Variants in RYR2 observed in about 807,000 individuals in gnomAD.
The protein encoded by RYR2 is ryanodine receptor 2, also known as cardiac muscle ryanodine receptor-calcium release channel.
A neutral mutation model predicts 601.1 loss-of-function variants in RYR2; 227 were observed. The ratio of observed to expected loss-of-function variants is 0.38; its 90% CI spans 0.34 to 0.42. The LOEUF is 0.42. Among genes scored for constraint, RYR2 ranks in the 10% least tolerant of loss-of-function variants. The pLI, the probability that RYR2 is intolerant of heterozygous loss-of-function variation, is 1.00. For synonymous variants in RYR2, 2,223 were observed against 2,175.1 expected (o/e 1.02, Z -0.61); for missense variants, 4,646 against 6,156.5 (o/e 0.75, Z 8.21).
chr1:237,754,383 C>A (rs927333708), intron 80 of RYR2, among the ~76,000 whole-genome samples: 2 of 152,156 alleles, frequency 1.3e-5, no homozygotes, highest in African/African-American at 4.8e-5. Context: ...TCTGGCAGGT[C>A]TTTAACTGAT....
chr1:237,565,443 C>A (rs77071137), intron 27 of RYR2, among the ~76,000 whole-genome samples: 3,455 of 151,936 alleles, frequency 0.023, 72 homozygotes, highest in East Asian at 0.098. Context: ...AATTTTTAAA[C>A]TCTTTGTAGA....
chr1:237,583,255 C>T (rs1674138923), intron 29 of RYR2, among the ~76,000 whole-genome samples: 1 of 151,572 alleles, frequency 6.6e-6, no homozygotes, highest in African/African-American at 2.4e-5. Context: ...GTTTTTTTGC[C>T]CATTTTTTAA....
At position 237,369,546 on chromosome 1, in the gene RYR2, G is replaced by C; in HGVS notation, c.322G>C (p.Gly108Arg). Residue 108 changes from glycine to arginine, a missense_variant, in exon 6 of 105, where the codon GGT (glycine) becomes CGT (arginine). Physicochemically the swap from Gly to Arg is moderately radical, Grantham distance 125. Coordinates refer to ENST00000366574, the MANE Select transcript of RYR2 (RefSeq NM_001035.3). Reference protein sequence around the residue: ...WKFMMKTAQGGGHRTLLYGHA... With the variant: ...WKFMMKTAQGRGHRTLLYGHA... Reference sequence around the variant, plus strand: ...CTTCTCTCTAAAGACTGCTCAAGGTGGTGGTCATCGAACACTCCTCTACGG... The same window carrying C: ...CTTCTCTCTAAAGACTGCTCAAGGTCGTGGTCATCGAACACTCCTCTACGG... 5 of 1,562,976 alleles carry C rather than the reference G, an allele frequency of 3.2e-6. No homozygotes were observed. The highest frequency in any genetic ancestry group is 4.3e-6 in the Non-Finnish European group (5 of 1,151,988).
chr1:237,372,279 G>C (rs933961945), intron 6 of RYR2, among the ~76,000 whole-genome samples: 1 of 152,244 alleles, frequency 6.6e-6, no homozygotes, highest in Admixed American at 6.5e-5. Flanking sequence ...AAGAAAACTT[G>C]TGATCATGTT....
At chr1:237,696,888 C>T (rs923720645) in intron 63 of RYR2, among the ~76,000 whole-genome samples, 1 of 152,186 alleles carries the variant, frequency 6.6e-6, no homozygotes, top group Non-Finnish European at 1.5e-5. Flanking sequence ...TCCGTTCCTG[C>T]AGTAGGTCCC....
intron 12 of RYR2, among the ~76,000 whole-genome samples, chr1:237,435,245 ATTATC>A (rs1707226356): frequency 6.6e-6 from 1 of 152,202 alleles, no homozygotes; most frequent in African/African-American, 2.4e-5. Flanking sequence ...CCTTTCATGC[ATTATC>A]TTATTTAATC....
intron 10 of RYR2, among the ~76,000 whole-genome samples, chr1:237,401,176 A>G (rs748639673): frequency 2.0e-5 from 3 of 152,196 alleles, no homozygotes; most frequent in Non-Finnish European, 2.9e-5. Flanking sequence ...ATAAAACTCA[A>G]ATTGCCTATA....
At chr1:237,051,888 A>G (rs904678020) in intron 1 of RYR2, among the ~76,000 whole-genome samples, 3 of 152,090 alleles carry the variant, frequency 2.0e-5, no homozygotes, top group African/African-American at 7.2e-5. Context: ...CATATTTTAA[A>G]ATGAGAGGGA....
chr1:237,471,816 C>G (rs949080714), intron 17 of RYR2, among the ~76,000 whole-genome samples: 5 of 151,100 alleles, frequency 3.3e-5, no homozygotes, highest in South Asian at 2.1e-4. Context: ...AAAAGGGAAG[C>G]CCTGTGCTCA....
At chr1:237,109,172 A>G (rs1233991446) in intron 1 of RYR2, among the ~76,000 whole-genome samples, 3 of 151,602 alleles carry the variant, frequency 2.0e-5, no homozygotes, top group Non-Finnish European at 2.9e-5. Flanking sequence ...TAAAATACAT[A>G]TATACATATA....
intron 1 of RYR2, among the ~76,000 whole-genome samples, chr1:237,115,985 G>T (rs970450080): frequency 1.3e-4 from 20 of 152,088 alleles, no homozygotes; most frequent in Non-Finnish European, 2.8e-4. Flanking sequence ...GGACCCATAA[G>T]GAAAAAGGAG....
chr1:237,489,717 A>G (rs1422483630), intron 17 of RYR2, among the ~76,000 whole-genome samples: 2 of 152,214 alleles, frequency 1.3e-5, no homozygotes, highest in African/African-American at 4.8e-5. Flanking sequence ...CACTGTGGAA[A>G]GCAGTTTGGA....
intron 1 of RYR2, among the ~76,000 whole-genome samples, chr1:237,144,961 G>A (rs1673826161): frequency 6.6e-6 from 1 of 151,876 alleles, no homozygotes. Flanking sequence ...CACTATACAT[G>A]ATTCCCTGGC....
intron 1 of RYR2, among the ~76,000 whole-genome samples, chr1:237,118,874 C>T (rs1184623405): frequency 6.6e-6 from 1 of 151,820 alleles, no homozygotes; most frequent in Non-Finnish European, 1.5e-5. Flanking sequence ...TTTAAAGAAA[C>T]CGGAACTACT....
intron 1 of RYR2, among the ~76,000 whole-genome samples, chr1:237,231,071 C>T (rs1295947043): frequency 6.6e-6 from 1 of 150,948 alleles, no homozygotes; most frequent in Non-Finnish European, 1.5e-5. Flanking sequence ...AGATTTGTTT[C>T]TGTAGCCGAT....
chr1:237,614,013 T>A lies in RYR2; in HGVS notation c.4911-26T>A. ...TTAAAAAATCATTCATTTCTAATCT[T>A]ACTACCACTCTCCTCCCTTCTACAG... On this transcript the variant is annotated intron_variant, in intron 36 of 104. Coordinates refer to ENST00000366574, the MANE Select transcript of RYR2 (RefSeq NM_001035.3). The surrounding 1 kb of genome is among the most constrained non-coding windows in gnomAD (Gnocchi z 4.3). 6.3e-7 allele frequency: 1 copy of A among 1,586,658 alleles called. No homozygotes were observed. Among genetic ancestry groups the A allele is most frequent in the South Asian group, 1.1e-5 (1 of 88,676 alleles).
At chr1:237,597,343 G>GT (rs1676005219) in intron 34 of RYR2, among the ~76,000 whole-genome samples, 1 of 150,552 alleles carries the variant, frequency 6.6e-6, no homozygotes, top group South Asian at 2.1e-4. Context: ...AGGTAATGGT[G>GT]GGATCTTGGC....
At chr1:237,580,265 C>T (rs764526311) in intron 29 of RYR2, among the ~76,000 whole-genome samples, 2 of 147,100 alleles carry the variant, frequency 1.4e-5, no homozygotes, top group African/African-American at 2.5e-5. Context: ...AAGGGATTCT[C>T]CTGCTTCAAC....
At chr1:237,426,040 A>G (rs1486879598) in intron 12 of RYR2, among the ~76,000 whole-genome samples, 1 of 151,636 alleles carries the variant, frequency 6.6e-6, no homozygotes, top group Non-Finnish European at 1.5e-5. Context: ...GGTTGTTTCT[A>G]TAGTTATATA....
Sources: gnomAD v4.1 joint callset for allele counts (sites outside exome capture counted in the v4.1 genomes callset) on GRCh38, gnomAD v4.1.1 for gene constraint, Gnocchi (gnomAD v3.1) non-coding constraint, MANE v1.5 for transcripts, NCBI Gene and HGNC (gene_info 2026-07-23, HGNC 2026-07-21) for gene names.